The following RAB8B variants were observed in gnomAD, a reference collection of about 807,000 sequenced individuals.
The protein encoded by RAB8B is RAB8B, member RAS oncogene family, also known as ras-related protein Rab-8B.
A neutral mutation model predicts 32.0 loss-of-function variants in RAB8B; 11 were observed. That is an observed-to-expected ratio of 0.34 (90% CI 0.22 to 0.57). RAB8B has a LOEUF of 0.57. Ranked by LOEUF, RAB8B falls within the 20% of genes least tolerant of loss-of-function variation. The pLI is 0.86. For missense variants in RAB8B, 190 were observed against 258.5 expected (o/e 0.73, Z 1.82); for synonymous variants, 103 against 89.6 (o/e 1.15, Z -0.85).
At chr15:63,211,295 A>G (rs923156100) in intron 1 of RAB8B, among the ~76,000 whole-genome samples, 5 of 152,202 alleles carry the variant, frequency 3.3e-5, no homozygotes, top group African/African-American at 1.2e-4. Flanking sequence ...AATGCTTCAC[A>G]GATGTTCCTG....
intron 1 of RAB8B, among the ~76,000 whole-genome samples, chr15:63,219,659 C>A (rs2037827062): frequency 6.6e-6 from 1 of 152,186 alleles, no homozygotes; most frequent in Non-Finnish European, 1.5e-5. Context: ...TTAAAAAAGG[C>A]AGAAAGCCAC....
At chr15:63,221,776 C>T (rs1416079455) in intron 1 of RAB8B, among the ~76,000 whole-genome samples, 1 of 152,182 alleles carries the variant, frequency 6.6e-6, no homozygotes, top group African/African-American at 2.4e-5. Flanking sequence ...GTGGAAATGT[C>T]TTCAAAGCAA....
At chr15:63,236,858 C>T (rs1227379632) in intron 1 of RAB8B, among the ~76,000 whole-genome samples, 1 of 152,164 alleles carries the variant, frequency 6.6e-6, no homozygotes, top group Non-Finnish European at 1.5e-5. Flanking sequence ...CTTATTCTAA[C>T]TATTTTTTGT....
intron 1 of RAB8B, chr15:63,224,111 G>A (rs982175489): frequency 1.3e-5 from 2 of 154,840 alleles, no homozygotes; most frequent in African/African-American, 4.8e-5. Context: ...GATGCACGGA[G>A]CCTCAATGAT....
Position 63,189,631 on chromosome 15 carries a change from A to T in RAB8B, c.7A>T (p.Lys3Ter). The T allele has an allele frequency of 6.2e-7, 1 of 1,613,478 alleles. No homozygotes were observed. Among genetic ancestry groups the T allele is most frequent in the Middle Eastern group, 1.6e-4 (1 of 6,062 alleles). MA[K>*]TYDYLFKLLL... is the part of the protein sequence containing the mutation. ...AGAGGGCCGGAGCGAGAAGATGGCG[A>T]AGACGTACGATTATCTCTTCAAGCT... The change falls in exon 1 of 8, where the codon AAG (lysine) becomes TAG (stop). Residue 3 changes from lysine (K) to a stop codon, truncating the protein, a stop_gained. Coordinates refer to ENST00000321437, the MANE Select transcript of RAB8B (RefSeq NM_016530.3). LOFTEE classifies it high-confidence loss of function.
At chr15:63,202,886 C>G (rs1164629281) in intron 1 of RAB8B, among the ~76,000 whole-genome samples, 1 of 152,196 alleles carries the variant, frequency 6.6e-6, no homozygotes, top group Non-Finnish European at 1.5e-5. Context: ...GCAGAGAAAC[C>G]CGAGCAACTC....
chr15:63,209,050 C>T (rs376264894), intron 1 of RAB8B, among the ~76,000 whole-genome samples: 6 of 151,772 alleles, frequency 4.0e-5, no homozygotes, highest in Admixed American at 2.0e-4. Context: ...CCACCACACA[C>T]GGCTAATTTT....
chr15:63,254,514 G>C (rs530103783), intron 3 of RAB8B, among the ~76,000 whole-genome samples: 4 of 152,158 alleles, frequency 2.6e-5, no homozygotes, highest in African/African-American at 9.6e-5. Flanking sequence ...TAGATGGACA[G>C]GTGAGTAGTT....
chr15:63,239,013 A>G (rs2038008557), intron 1 of RAB8B, among the ~76,000 whole-genome samples: 1 of 152,190 alleles, frequency 6.6e-6, no homozygotes, highest in Admixed American at 6.5e-5. Context: ...AGGAACTGCT[A>G]TCAGTCAAGA....
intron 1 of RAB8B, among the ~76,000 whole-genome samples, chr15:63,211,276 ATAC>A (rs2037744646): frequency 6.6e-6 from 1 of 152,212 alleles, no homozygotes; most frequent in African/African-American, 2.4e-5. Flanking sequence ...ATTACTGAGA[ATAC>A]TGGGAAATGC....
rs182883967 is a variant in RAB8B, at chr15:63,240,376, G to A, written c.125-4380G>A. ...TGGAATTTCAGAGTTCCCAGAGCAC[G>A]TTCACACACATCGTCTAATTTATCT... On this transcript the variant is annotated intron_variant, in intron 1 of 7. Coordinates refer to ENST00000321437, the MANE Select transcript of RAB8B (RefSeq NM_016530.3). Among the ~76,000 whole-genome samples the A allele has an allele frequency of 2.8e-3, 426 of 152,236 alleles. 2 individuals carry two copies. Among genetic ancestry groups the A allele is most frequent in the African/African-American group, 9.7e-3 (404 of 41,558 alleles).
chr15:63,196,973 G>A lies in RAB8B; in HGVS notation c.124+7225G>A, dbSNP rs1285641961. ...GCATTATAAGAGCCATTTCAGCTTT[G>A]TCTCTGCCCATTAGCTTCAAACAAT... On this transcript the variant is annotated intron_variant, in intron 1 of 7. Transcript: ENST00000321437. 2.0e-5 allele frequency among the ~76,000 whole-genome samples: 3 copies of A among 152,094 alleles called. No homozygotes were observed. The East Asian group carries it at 5.8e-4, about 29-fold the overall frequency.
chr15:63,246,919 G>T (rs1257119467), intron 2 of RAB8B, among the ~76,000 whole-genome samples: 1 of 152,176 alleles, frequency 6.6e-6, no homozygotes, highest in Non-Finnish European at 1.5e-5. Context: ...AAGAATTTTA[G>T]TATCTGTGTG....
intron 3 of RAB8B, among the ~76,000 whole-genome samples, chr15:63,254,804 C>T (rs769854665): frequency 6.6e-6 from 1 of 151,912 alleles, no homozygotes; most frequent in Non-Finnish European, 1.5e-5. Context: ...CCCAGCTACT[C>T]GGGAGGCTGA....
intron 2 of RAB8B, 64 bp from the exon 3 acceptor site, chr15:63,249,581 G>T: frequency 6.8e-7 from 1 of 1,460,014 alleles, no homozygotes; most frequent in South Asian, 1.2e-5. Context: ...TCCTACAGCA[G>T]GGTTTCTCCT....
rs114355781 is a variant in RAB8B at position 63,215,742 on chromosome 15, A to C, written c.124+25994A>C. ...CAACTATATTATATTTGCCCTTAAA[A>C]TTTTACCCTATAGACCAGGCATAGC... On this transcript the variant is annotated intron_variant, in intron 1 of 7. Coordinates refer to ENST00000321437, the MANE Select transcript of RAB8B (RefSeq NM_016530.3). Among the ~76,000 whole-genome samples, 509 of 152,262 alleles carry C rather than the reference A, an allele frequency of 3.3e-3. 3 individuals carry two copies. The highest frequency in any genetic ancestry group is 0.012 in the African/African-American group (491 of 41,546).
chr15:63,258,461 A>T (rs1386788914), intron 5 of RAB8B, among the ~76,000 whole-genome samples: 1 of 152,230 alleles, frequency 6.6e-6, no homozygotes, highest in Non-Finnish European at 1.5e-5. Flanking sequence ...AAAAGGAGTG[A>T]ATGAATCCCA....
chr15:63,218,870 A>G (rs553589333), intron 1 of RAB8B, among the ~76,000 whole-genome samples: 20 of 152,194 alleles, frequency 1.3e-4, no homozygotes, highest in African/African-American at 4.8e-4. Context: ...ACAAAATAGG[A>G]AGAAAAAAAA....
At chr15:63,240,185 A>G (rs1189339407) in intron 1 of RAB8B, among the ~76,000 whole-genome samples, 3 of 152,186 alleles carry the variant, frequency 2.0e-5, no homozygotes, top group Admixed American at 6.5e-5. Flanking sequence ...GTGCAGTGAC[A>G]TTACCACAGG....
Sources: gnomAD v4.1 joint callset for allele counts (sites outside exome capture counted in the v4.1 genomes callset) on GRCh38, gnomAD v4.1.1 for gene constraint, MANE v1.5 for transcripts, NCBI Gene and HGNC (gene_info 2026-07-23, HGNC 2026-07-21) for gene names.